NELL1: variants seen among roughly 807,000 people sequenced by gnomAD.
The protein encoded by NELL1 is neural EGFL like 1.
A neutral mutation model predicts 107.4 loss-of-function variants in NELL1; 76 were observed. The ratio of observed to expected loss-of-function variants is 0.71; its 90% confidence interval spans 0.59 to 0.86. The LOEUF is 0.86. Among genes scored for constraint, NELL1 ranks in the 40% least tolerant of loss-of-function variants. The pLI, the probability that NELL1 is intolerant of heterozygous loss-of-function variation, is 0.00. For synonymous variants in NELL1, 353 were observed against 341.2 expected (o/e 1.03, Z -0.38); for missense variants, 1,024 against 1,005.5 (o/e 1.02, Z -0.25).
intron 15 of NELL1, among the ~76,000 whole-genome samples, chr11:21,385,878 C>T (rs1049431007): frequency 6.6e-6 from 1 of 151,792 alleles, no homozygotes; most frequent in Non-Finnish European, 1.5e-5. Flanking sequence ...CATGGTATTG[C>T]TCTAGCTGGA....
chr11:20,840,905 C>T (rs1848609846), intron 3 of NELL1, among the ~76,000 whole-genome samples: 1 of 152,172 alleles, frequency 6.6e-6, no homozygotes, highest in African/African-American at 2.4e-5. Flanking sequence ...ATCTGTGATA[C>T]ACAGGACAGG....
At chr11:21,236,554 A>C (rs1209778972) in intron 14 of NELL1, among the ~76,000 whole-genome samples, 1 of 152,148 alleles carries the variant, frequency 6.6e-6, no homozygotes, top group Non-Finnish European at 1.5e-5. Context: ...CATACAGAAA[A>C]TTTATTCTAT....
chr11:20,891,858 C>T (rs537900944), intron 5 of NELL1, among the ~76,000 whole-genome samples: 109 of 152,178 alleles, frequency 7.2e-4, no homozygotes, highest in Non-Finnish European at 1.2e-3. Flanking sequence ...CACCCAGATT[C>T]ATAAAGCAAG....
chr11:20,687,144 T>A (rs1342480311), intron 2 of NELL1, among the ~76,000 whole-genome samples: 1 of 151,672 alleles, frequency 6.6e-6, no homozygotes, highest in Non-Finnish European at 1.5e-5. Flanking sequence ...GACTAGTATA[T>A]GAGTTTTGTC....
chr11:20,823,736 A>G (rs1857811608), intron 3 of NELL1, among the ~76,000 whole-genome samples: 1 of 151,090 alleles, frequency 6.6e-6, no homozygotes, highest in Non-Finnish European at 1.5e-5. Flanking sequence ...GAGGGTAGCT[A>G]TACTGTATGC....
chr11:20,863,805 C>G (rs12787855), intron 4 of NELL1, among the ~76,000 whole-genome samples: 92,404 of 152,012 alleles, frequency 0.61, 31,182 homozygotes, highest in Non-Finnish European at 0.76. Flanking sequence ...CACTGCACTC[C>G]AGCCTGGGCA....
At chr11:21,563,989 A>G (rs1268280494) in intron 17 of NELL1, among the ~76,000 whole-genome samples, 1 of 151,980 alleles carries the variant, frequency 6.6e-6, no homozygotes, top group Non-Finnish European at 1.5e-5. Flanking sequence ...AATATCAGGA[A>G]CAAAAAGAGT....
rs1005056457 is a variant in NELL1, at chr11:20,919,150, C to A, written c.677-102C>A. 7.1e-5 allele frequency: 41 copies of A among 578,400 alleles called. 1 individual carries two copies. In the Admixed American group the frequency reaches 1.6e-3, roughly 22 times the overall value. The allele number at this position is 578,400 out of a possible 1,614,324, so 35.8% of individuals were successfully genotyped here. A position where few individuals can be genotyped will look rare whatever the true frequency, so the allele number is the denominator to read the frequency against. ...TTCAAAGCAATGTCAACCAAAAAAA[C>A]CCCAAAAACTCTTCTACATAGTCAC... On this transcript the variant is annotated intron_variant, in intron 6 of 19. Coordinates refer to ENST00000357134, the MANE Select transcript of NELL1 (RefSeq NM_006157.5).
rs114451690 is a variant in NELL1 at position 20,850,301 on chromosome 11, A to T, written c.506+2548A>T. Among the ~76,000 whole-genome samples, 524 of 152,230 alleles carry T rather than the reference A, an allele frequency of 3.4e-3. 5 individuals carry two copies. Among genetic ancestry groups the T allele is most frequent in the African/African-American group, 0.012 (479 of 41,544 alleles). On this transcript the variant is annotated intron_variant, in intron 4 of 19. Transcript: ENST00000357134. Reference sequence around the variant, plus strand: ...TTCAGCTATCCATTACTACTTTGTGATTCTTATTTTTTGATCCCTGTTACT... The same window carrying T: ...TTCAGCTATCCATTACTACTTTGTGTTTCTTATTTTTTGATCCCTGTTACT...
intron 2 of NELL1, among the ~76,000 whole-genome samples, chr11:20,696,427 A>G (rs569426067): frequency 2.0e-5 from 3 of 152,174 alleles, no homozygotes; most frequent in African/African-American, 7.2e-5. Flanking sequence ...AGATCTTTCT[A>G]ACTTTTTAAG....
At chr11:21,277,237 A>G (rs1478101188) in intron 14 of NELL1, among the ~76,000 whole-genome samples, 3 of 152,256 alleles carry the variant, frequency 2.0e-5, no homozygotes, top group African/African-American at 7.2e-5. Context: ...AAGTGGGTGA[A>G]GGATATGAAC....
At chr11:21,176,406 A>G (rs1486580663) in intron 13 of NELL1, among the ~76,000 whole-genome samples, 1 of 151,840 alleles carries the variant, frequency 6.6e-6, no homozygotes. Context: ...GGATTATTGG[A>G]AAGTGATGGC....
At chr11:21,481,033 G>A (rs1854480216) in intron 15 of NELL1, among the ~76,000 whole-genome samples, 1 of 152,028 alleles carries the variant, frequency 6.6e-6, no homozygotes. Flanking sequence ...TAAAATGGAG[G>A]GCTTTACAAT....
At chr11:21,366,265 T>C (rs1009067335) in intron 14 of NELL1, among the ~76,000 whole-genome samples, 1 of 152,030 alleles carries the variant, frequency 6.6e-6, no homozygotes, top group Admixed American at 6.6e-5. Flanking sequence ...GAGGAAAGTG[T>C]CATTAAAGAA....
chr11:21,208,970 C>T (rs1182040833), intron 13 of NELL1, among the ~76,000 whole-genome samples: 1 of 152,056 alleles, frequency 6.6e-6, no homozygotes, highest in African/African-American at 2.4e-5. Flanking sequence ...CTTTTGACCT[C>T]CAATAACTTT....
At chr11:20,939,165 G>C (rs148694927) in intron 10 of NELL1, among the ~76,000 whole-genome samples, 1 of 152,006 alleles carries the variant, frequency 6.6e-6, no homozygotes, top group Non-Finnish European at 1.5e-5. Context: ...GAAAGGACTC[G>C]AGTGATTGGG....
intron 16 of NELL1, among the ~76,000 whole-genome samples, chr11:21,552,054 G>A (rs1006513275): frequency 8.3e-5 from 12 of 144,586 alleles, no homozygotes; most frequent in Non-Finnish European, 1.7e-4. Flanking sequence ...ACCAAACACT[G>A]CATATTCTCA....
chr11:20,755,864 GGTTTTTTTTTTTTTTTTTTTT>G lies in NELL1; in HGVS notation c.185-27815_185-27795del, dbSNP rs763502711. On this transcript the variant is annotated intron_variant, in intron 2 of 19. Coordinates refer to ENST00000357134, the MANE Select transcript of NELL1 (RefSeq NM_006157.5). ...AGCCACCACGCCCAGCCAGACCTGCGGTTTTTTTTTTTTTTTTTTTTTTTTTTTTTTTTTTTTTTTTTTTAT... is the reference window on the plus strand; with the variant it reads ...AGCCACCACGCCCAGCCAGACCTGCGTTTTTTTTTTTTTTTTTTTTTTTAT... Among the ~76,000 whole-genome samples the G allele has an allele frequency of 3.9e-3, 433 of 110,786 alleles. 6 individuals are homozygous for G. Among genetic ancestry groups the G allele is most frequent in the Middle Eastern group, 0.012 (2 of 166 alleles). 72.7% of individuals were successfully genotyped at this position (110,786 alleles called of 152,430 possible).
chr11:21,398,857 G>A (rs1192340452), intron 15 of NELL1, among the ~76,000 whole-genome samples: 2 of 151,458 alleles, frequency 1.3e-5, no homozygotes, highest in Non-Finnish European at 2.9e-5. Context: ...ATTTCTCTTT[G>A]CTTCCAGTTC....
Sources: allele counts gnomAD v4.1 joint callset (sites outside exome capture counted in the v4.1 genomes callset), GRCh38; gene constraint gnomAD v4.1.1; transcripts MANE v1.5; gene names NCBI Gene and HGNC (gene_info 2026-07-23, HGNC 2026-07-21).